The following YEATS4 variants were observed in gnomAD, a reference collection of about 807,000 sequenced individuals.
The protein encoded by YEATS4 is YEATS domain-containing protein 4.
In YEATS4, 17 loss-of-function variants were observed where a neutral mutation model predicts 30.1. The observed-to-expected ratio is 0.56, with a 90% CI of 0.39 to 0.85. YEATS4 has a LOEUF of 0.85. Ranked by LOEUF, YEATS4 falls within the 40% of genes least tolerant of loss-of-function variation. YEATS4 has a pLI of 0.00. For missense variants in YEATS4, 142 were observed against 268.3 expected, an observed-to-expected ratio of 0.53 and a Z score of 3.29; for synonymous variants, 85 against 87.5, an observed-to-expected ratio of 0.97 and a Z score of 0.16.
chr12:69,368,291 AATGGTTG>A lies in YEATS4; in HGVS notation c.333+2408_334-2408del. On this transcript the variant is annotated intron_variant, in intron 4 of 6. Coordinates refer to ENST00000247843, the MANE Select transcript of YEATS4 (RefSeq NM_006530.4). ...ATACAGATCAAGCCACTATAAAAAGAATGGTTGTTTCTAAAAGCAAAATGTCAAATTG... is the reference window on the plus strand; with the variant it reads ...ATACAGATCAAGCCACTATAAAAAGATTTCTAAAAGCAAAATGTCAAATTG... 2.6e-5 allele frequency among the ~76,000 whole-genome samples: 4 copies of A among 152,304 alleles called. No homozygotes were observed. The East Asian group carries it at 5.8e-4, about 22-fold the overall frequency.
At chr12:69,371,518 A>T (rs976868341) in intron 6 of YEATS4, among the ~76,000 whole-genome samples, 1 of 152,198 alleles carries the variant, frequency 6.6e-6, no homozygotes, top group East Asian at 1.9e-4. Context: ...ATCTATTCTC[A>T]GTCATTTGCA....
chr12:69,399,743 C>T, the YEATS4 span, among the ~76,000 whole-genome samples: 1 of 152,194 alleles, frequency 6.6e-6, no homozygotes, highest in South Asian at 2.1e-4. Flanking sequence ...TCCCCATGTC[C>T]ATCAACTGAT....
downstream of YEATS4, among the ~76,000 whole-genome samples, chr12:69,393,798 T>C (rs1473069377): frequency 6.6e-6 from 1 of 152,186 alleles, no homozygotes; most frequent in Non-Finnish European, 1.5e-5. Flanking sequence ...AATTTATTGT[T>C]TTCTGAACTC....
At chr12:69,375,485 A>T (rs949609797) in intron 6 of YEATS4, among the ~76,000 whole-genome samples, 48 of 151,896 alleles carry the variant, frequency 3.2e-4, no homozygotes, top group Admixed American at 3.1e-3. Flanking sequence ...GACGCTCCTC[A>T]CTTCCTAGAC....
At chr12:69,389,733 G>A (rs1017801713) in intron 6 of YEATS4, among the ~76,000 whole-genome samples, 2 of 151,864 alleles carry the variant, frequency 1.3e-5, no homozygotes, top group Non-Finnish European at 2.9e-5. Flanking sequence ...GGTTGGTCTC[G>A]AACTCCTGAC....
the YEATS4 span, among the ~76,000 whole-genome samples, chr12:69,402,008 C>CG: frequency 6.6e-6 from 1 of 152,170 alleles, no homozygotes; most frequent in Non-Finnish European, 1.5e-5. Flanking sequence ...ATTCTTCAGA[C>CG]GGTAAGCTTT....
the YEATS4 span, among the ~76,000 whole-genome samples, chr12:69,410,649 C>G: frequency 6.6e-6 from 1 of 152,164 alleles, no homozygotes; most frequent in African/African-American, 2.4e-5. Context: ...TATAAGCAAG[C>G]ATGCTGTTTT....
chr12:69,390,187 T>C lies in YEATS4; in HGVS notation c.555T>C (p.Ala185=), dbSNP rs778064761. Residue 185 remains alanine (A), a synonymous_variant, in exon 7 of 7, where the codon GCT becomes GCC. Transcript: ENST00000247843. ...LEVKTREKLE[A]AKKKTSFEIA... Reference sequence around the variant, plus strand: ...TGAAAACCAGAGAAAAATTAGAAGCTGCTAAGAAAAAAACAAGCTTTGAGA... The same window carrying C: ...TGAAAACCAGAGAAAAATTAGAAGCCGCTAAGAAAAAAACAAGCTTTGAGA... The C allele has an allele frequency of 6.3e-7, 1 of 1,595,970 alleles. No individual in the cohort carries two copies. The highest frequency in any genetic ancestry group is 8.5e-7 in the Non-Finnish European group (1 of 1,175,740).
the YEATS4 span, among the ~76,000 whole-genome samples, chr12:69,398,473 A>T: frequency 6.6e-6 from 1 of 152,180 alleles, no homozygotes; most frequent in African/African-American, 2.4e-5. Context: ...CTAAAAAAAT[A>T]AAATACTTGG....
chr12:69,369,392 C>T lies in YEATS4; in HGVS notation c.334-1314C>T, dbSNP rs539174081. Reference sequence around the variant, plus strand: ...AGAGATATTGCCCATCTGAAATGTCCTTATTTTTTCTTCATAGTTCATTGT... The same window carrying T: ...AGAGATATTGCCCATCTGAAATGTCTTTATTTTTTCTTCATAGTTCATTGT... On this transcript the variant is annotated intron_variant, in intron 4 of 6. Transcript: ENST00000247843. Among the ~76,000 whole-genome samples the T allele has an allele frequency of 2.6e-5, 4 of 152,238 alleles. No homozygotes were observed. In the East Asian group the frequency reaches 7.7e-4, roughly 29 times the overall value.
intron 6 of YEATS4, among the ~76,000 whole-genome samples, chr12:69,389,600 G>T (rs1247234454): frequency 8.4e-6 from 1 of 118,702 alleles, no homozygotes; most frequent in Non-Finnish European, 1.6e-5. Flanking sequence ...TGCAACCTCT[G>T]CCTCCCAAGT....
chr12:69,409,641 T>A, the YEATS4 span, among the ~76,000 whole-genome samples: 1 of 151,830 alleles, frequency 6.6e-6, no homozygotes, highest in African/African-American at 2.4e-5. Context: ...TATATATATA[T>A]ATTAACATGC....
chr12:69,382,548 C>T (rs1241822625), intron 6 of YEATS4, among the ~76,000 whole-genome samples: 4 of 152,198 alleles, frequency 2.6e-5, no homozygotes, highest in African/African-American at 9.7e-5. Flanking sequence ...GCTCTTCAGT[C>T]AGCTTGTGTT....
At chr12:69,417,859 A>G in the YEATS4 span, among the ~76,000 whole-genome samples, 701 of 144,542 alleles carry the variant, frequency 4.8e-3, 8 homozygotes, top group East Asian at 0.013. Context: ...CAATAGGGAA[A>G]AAAAAAAAAA....
At chr12:69,406,317 TTTTG>T in the YEATS4 span, among the ~76,000 whole-genome samples, 1 of 152,186 alleles carries the variant, frequency 6.6e-6, no homozygotes, top group Admixed American at 6.5e-5. Context: ...ATTACATCAA[TTTTG>T]TTTAAGTATT....
At chr12:69,404,330 T>G in the YEATS4 span, among the ~76,000 whole-genome samples, 1 of 152,226 alleles carries the variant, frequency 6.6e-6, no homozygotes, top group Non-Finnish European at 1.5e-5. Flanking sequence ...TAAATGTCCT[T>G]TCCAAAGCTC....
rs1349729042 is a variant in YEATS4, at chr12:69,360,407, TAGCA to T, written c.51+386_51+389del. 2.5e-4 allele frequency among the ~76,000 whole-genome samples: 38 copies of T among 152,120 alleles called. 1 individual carries two copies. Among genetic ancestry groups the T allele is most frequent in the Middle Eastern group, 3.2e-3 (1 of 316 alleles). ...CCTGGTGTGAGGATAACAATAACTG[TAGCA>T]AACAGTCGCTGAGCGCTTACCCGCA... On this transcript the variant is annotated intron_variant, in intron 1 of 6. Transcript: ENST00000247843.
At chr12:69,402,459 A>G in the YEATS4 span, among the ~76,000 whole-genome samples, 1 of 152,136 alleles carries the variant, frequency 6.6e-6, no homozygotes, top group Non-Finnish European at 1.5e-5. Context: ...GTATCTCCAA[A>G]GAGCAACCTA....
At chr12:69,425,151 A>G in the YEATS4 span, among the ~76,000 whole-genome samples, 1 of 151,776 alleles carries the variant, frequency 6.6e-6, no homozygotes, top group Non-Finnish European at 1.5e-5. Flanking sequence ...TCAAACTCCC[A>G]ACCTCAGGTG....
Sources: gnomAD v4.1 joint callset for allele counts (sites outside exome capture counted in the v4.1 genomes callset) on GRCh38, gnomAD v4.1.1 for gene constraint, MANE v1.5 for transcripts, NCBI Gene and HGNC (gene_info 2026-07-23, HGNC 2026-07-21) for gene names.